Variants in RFTN1 observed in about 807,000 individuals in gnomAD.
RFTN1 encodes raftlin.
A neutral mutation model predicts 46.5 loss-of-function variants in RFTN1; 26 were observed. The ratio of observed to expected loss-of-function variants is 0.56; its 90% confidence interval spans 0.41 to 0.78. The LOEUF is 0.78. Ranked by LOEUF, RFTN1 falls within the 30% of genes least tolerant of loss-of-function variation. RFTN1 has a pLI of 0.00. For synonymous variants in RFTN1, 261 were observed against 284.2 expected (o/e 0.92, Z 0.82); for missense variants, 693 against 718.7 (o/e 0.96, Z 0.41).
intron 5 of RFTN1, among the ~76,000 whole-genome samples, chr3:16,372,857 G>T (rs369305603): frequency 1.3e-5 from 2 of 152,350 alleles, no homozygotes; most frequent in East Asian, 1.9e-4. Context: ...AAAGGAAACA[G>T]TGTTGGAACG....
At chr3:16,444,623 C>T (rs888472991) in intron 2 of RFTN1, among the ~76,000 whole-genome samples, 2 of 151,986 alleles carry the variant, frequency 1.3e-5, no homozygotes, top group South Asian at 2.1e-4. Flanking sequence ...CTGGAATAAG[C>T]GAGTTGGAAA....
In RFTN1 at chr3:16,321,099, AG is replaced by A. The variant is rs2068999153; in HGVS notation, c.1332+2276del. Reference sequence around the variant, plus strand: ...AGGGGAAGGAGAGGGGAGGGTCAGCAGGGATAGCCCCTAAGGTGCAATGCCA... The same window carrying A: ...AGGGGAAGGAGAGGGGAGGGTCAGCAGGATAGCCCCTAAGGTGCAATGCCA... On this transcript the variant is annotated intron_variant, in intron 9 of 9. Transcript: ENST00000334133. The surrounding 1 kb of genome is among the most constrained non-coding windows in gnomAD (Gnocchi z 4.8). 6.6e-6 allele frequency among the ~76,000 whole-genome samples: 1 copy of A among 152,134 alleles called. No individual in the cohort carries two copies. Among genetic ancestry groups the A allele is most frequent in the South Asian group, 2.1e-4 (1 of 4,830 alleles).
Position 16,466,102 on chromosome 3 carries a change from T to C in RFTN1, c.145+27623A>G, listed in dbSNP as rs1316526173. Among the ~76,000 whole-genome samples, 2 of 152,230 alleles carry C rather than the reference T, an allele frequency of 1.3e-5. No homozygotes were observed. The highest frequency in any genetic ancestry group is 2.9e-5 in the Non-Finnish European group (2 of 68,044). On this transcript the variant is annotated intron_variant, in intron 2 of 9. Coordinates refer to ENST00000334133, the MANE Select transcript of RFTN1 (RefSeq NM_015150.2). The surrounding 1 kb of genome is among the most constrained non-coding windows in gnomAD (Gnocchi z 5.6). ...TTCTGTGGCTCCCCAGTGCTCAATT[T>C]TGGGGTCCAAGCGCTTGAATGCAGG...
intron 9 of RFTN1, among the ~76,000 whole-genome samples, chr3:16,318,456 T>C (rs2068677501): frequency 6.6e-6 from 1 of 152,202 alleles, no homozygotes; most frequent in African/African-American, 2.4e-5. Flanking sequence ...GGCTTTAGTA[T>C]GTTGTAAATC....
intron 5 of RFTN1, among the ~76,000 whole-genome samples, chr3:16,371,200 AC>A (rs1476306929): frequency 6.6e-6 from 1 of 152,196 alleles, no homozygotes; most frequent in South Asian, 2.1e-4. Flanking sequence ...GAAAATCCCC[AC>A]CCTTCTTTGA....
At chr3:16,375,210 G>A (rs2073716264) in intron 5 of RFTN1, among the ~76,000 whole-genome samples, 1 of 152,068 alleles carries the variant, frequency 6.6e-6, no homozygotes, top group East Asian at 1.9e-4. Flanking sequence ...TGCCTGGGGG[G>A]GCCCGTGTGT....
chr3:16,359,045 A>AAAG (rs2072659463), intron 6 of RFTN1, among the ~76,000 whole-genome samples: 1 of 151,188 alleles, frequency 6.6e-6, no homozygotes. Context: ...AAAAAAAAAA[A>AAAG]AAAAAAAGAA....
At chr3:16,478,311 C>A (rs572454331) in intron 2 of RFTN1, among the ~76,000 whole-genome samples, 51 of 152,244 alleles carry the variant, frequency 3.3e-4, no homozygotes, top group African/African-American at 1.2e-3. Flanking sequence ...AAATATAGAG[C>A]CCGGGGGCCA....
chr3:16,321,655 C>T lies in RFTN1; in HGVS notation c.1332+1721G>A, dbSNP rs890229478. Reference sequence around the variant, plus strand: ...GGTCTTGTGTAGAACAAGTGCTCCACACCAGTCACCTACAGTCTTGGAATG... The same window carrying T: ...GGTCTTGTGTAGAACAAGTGCTCCATACCAGTCACCTACAGTCTTGGAATG... On this transcript the variant is annotated intron_variant, in intron 9 of 9. Transcript: ENST00000334133. This position sits in a 1 kb window ranked among gnomAD's most constrained non-coding sequence, Gnocchi z 4.8. 2.6e-5 allele frequency among the ~76,000 whole-genome samples: 4 copies of T among 152,074 alleles called. No homozygotes were observed. The highest frequency in any genetic ancestry group is 9.7e-5 in the African/African-American group (4 of 41,392).
rs1366290549 is a variant in RFTN1, at chr3:16,353,112, G to A, written c.1146+4820C>T. ...ACATGAGAAAGAGCTGGGCAGGGACGTTTTGTGGTCGGAGAGCTAGAGATT... is the reference window on the plus strand; with the variant it reads ...ACATGAGAAAGAGCTGGGCAGGGACATTTTGTGGTCGGAGAGCTAGAGATT... On this transcript the variant is annotated intron_variant, in intron 7 of 9. Transcript: ENST00000334133. The surrounding 1 kb of genome is among the most constrained non-coding windows in gnomAD (Gnocchi z 5.4). Among the ~76,000 whole-genome samples, 3 of 152,194 alleles carry A rather than the reference G, an allele frequency of 2.0e-5. No individual in the cohort carries two copies. Among genetic ancestry groups the A allele is most frequent in the Admixed American group, 6.5e-5 (1 of 15,288 alleles).
intron 1 of RFTN1, among the ~76,000 whole-genome samples, chr3:16,505,533 C>T (rs1170498521): frequency 2.0e-5 from 3 of 152,192 alleles, no homozygotes; most frequent in Non-Finnish European, 1.5e-5. Context: ...AGTTTAAAAT[C>T]TTCAGGGCAG....
chr3:16,438,728 A>G (rs1414523223), intron 2 of RFTN1, among the ~76,000 whole-genome samples: 5 of 151,872 alleles, frequency 3.3e-5, no homozygotes, highest in Admixed American at 6.6e-5. Flanking sequence ...CCTGTCTTCC[A>G]TCATAGCGTC....
chr3:16,403,804 A>AATATATTTTATATATATT (rs2074695463), intron 4 of RFTN1, among the ~76,000 whole-genome samples: 1 of 7,844 alleles, frequency 1.3e-4, no homozygotes, highest in African/African-American at 6.6e-4. Flanking sequence ...TATAATATAT[A>AATATATTTTATATATATT]TTATATATTT....
chr3:16,437,222 G>A (rs2125502967), intron 2 of RFTN1, among the ~76,000 whole-genome samples: 1 of 152,270 alleles, frequency 6.6e-6, no homozygotes, highest in Non-Finnish European at 1.5e-5. Flanking sequence ...CTGCATGCAA[G>A]GGTGTTGGGG....
rs1190023268 is a variant in RFTN1, at chr3:16,346,623, C to T, written c.1146+11309G>A. ...CCCCCAGGCCTGGACAACCATGACT[C>T]TTGACAAGTGGCATGGGTCTGTGAC... On this transcript the variant is annotated intron_variant, in intron 7 of 9. Transcript: ENST00000334133. This position sits in a 1 kb window ranked among gnomAD's most constrained non-coding sequence, Gnocchi z 4.4. Among the ~76,000 whole-genome samples the T allele has an allele frequency of 1.3e-5, 2 of 152,154 alleles. No homozygotes were observed. The highest frequency in any genetic ancestry group is 1.3e-4 in the Admixed American group (2 of 15,282).
In RFTN1 at chr3:16,475,923, C is replaced by G. The variant is rs1407210951; in HGVS notation, c.145+17802G>C. ...CACCCAGAGACAGACACCATGCCAA[C>G]TGGGACTTTTTGTCTTCCCTTAAGA... On this transcript the variant is annotated intron_variant, in intron 2 of 9. Coordinates refer to ENST00000334133, the MANE Select transcript of RFTN1 (RefSeq NM_015150.2). This position sits in a 1 kb window ranked among gnomAD's most constrained non-coding sequence, Gnocchi z 4.2. Among the ~76,000 whole-genome samples the G allele has an allele frequency of 6.6e-6, 1 of 152,214 alleles. No homozygotes were observed. The highest frequency in any genetic ancestry group is 1.5e-5 in the Non-Finnish European group (1 of 68,042).
chr3:16,405,746 A>G (rs1392100483), intron 4 of RFTN1, among the ~76,000 whole-genome samples: 1 of 152,204 alleles, frequency 6.6e-6, no homozygotes, highest in African/African-American at 2.4e-5. Flanking sequence ...GAAAAAATCT[A>G]ATCCTTTTGA....
rs2075939606 is a variant in RFTN1 at position 16,457,923 on chromosome 3, A to G, written c.146-23886T>C. On this transcript the variant is annotated intron_variant, in intron 2 of 9. Coordinates refer to ENST00000334133, the MANE Select transcript of RFTN1 (RefSeq NM_015150.2). The surrounding 1 kb of genome is among the most constrained non-coding windows in gnomAD (Gnocchi z 4.2). Reference sequence around the variant, plus strand: ...ATATCATTATAAAAGGGTTTCACAGACAGAGTTTGGTCCTTTTTGCCTTCT... The same window carrying G: ...ATATCATTATAAAAGGGTTTCACAGGCAGAGTTTGGTCCTTTTTGCCTTCT... Among the ~76,000 whole-genome samples, 1 of 152,104 alleles carries G rather than the reference A, an allele frequency of 6.6e-6. No homozygotes were observed. Among genetic ancestry groups the G allele is most frequent in the Non-Finnish European group, 1.5e-5 (1 of 68,004 alleles).
At chr3:16,373,117 T>G (rs1027841296) in intron 5 of RFTN1, among the ~76,000 whole-genome samples, 1 of 152,200 alleles carries the variant, frequency 6.6e-6, no homozygotes, top group Admixed American at 6.5e-5. Flanking sequence ...TTGTTTAAAT[T>G]TTCTCAGCTG....
Sources: allele counts gnomAD v4.1 joint callset (sites outside exome capture counted in the v4.1 genomes callset), GRCh38; gene constraint gnomAD v4.1.1; non-coding constraint Gnocchi (gnomAD v3.1); transcripts MANE v1.5; gene names NCBI Gene and HGNC (gene_info 2026-07-23, HGNC 2026-07-21).